ZNF724: variants seen among roughly 807,000 people sequenced by gnomAD.
ZNF724 encodes zinc finger protein 724.
In ZNF724, 14 loss-of-function variants were observed where a neutral mutation model predicts 29.3. The observed-to-expected ratio is 0.48, with a 90% CI of 0.32 to 0.75. ZNF724 has a LOEUF of 0.75. Ranked by LOEUF, ZNF724 falls within the 30% of genes least tolerant of loss-of-function variation. The probability of loss-of-function intolerance (pLI) is 0.04; values close to 1 mark genes in which losing one functional copy is unlikely to be tolerated. For synonymous variants in ZNF724, 180 were observed against 193.6 expected, an observed-to-expected ratio of 0.93 and a Z score of 0.58; for missense variants, 557 against 571.2, an observed-to-expected ratio of 0.98 and a Z score of 0.25.
At position 23,222,370 on chromosome 19, in the gene ZNF724, C is replaced by A. The variant is rs762327090; in HGVS notation, c.*15G>T. 1 of 994,992 alleles carries A rather than the reference C, an allele frequency of 1.0e-6. No homozygotes were observed. The highest frequency in any genetic ancestry group is 1.5e-6 in the Non-Finnish European group (1 of 648,888). 61.6% of individuals were successfully genotyped at this position (994,992 alleles called of 1,614,324 possible). ...GGGATTACAGGTGTGAGCCACCACG[C>A]CTGGTCCATTTTTCTTATTTGTCAG... On this transcript the variant is annotated 3_prime_UTR_variant, in exon 4 of 4. Transcript: ENST00000418100.
intron 1 of ZNF724, among the ~76,000 whole-genome samples, chr19:23,246,585 C>T (rs944671898): frequency 2.0e-5 from 3 of 151,390 alleles, no homozygotes; most frequent in Non-Finnish European, 4.4e-5. Flanking sequence ...AACCCGGAGT[C>T]GGAGGTTGCA....
chr19:23,240,270 C>G lies in ZNF724; in HGVS notation c.4-7977G>C, dbSNP rs932230126. Among the ~76,000 whole-genome samples, 102 of 115,756 alleles carry G rather than the reference C, an allele frequency of 8.8e-4. 1 individual carries two copies. Among genetic ancestry groups the G allele is most frequent in the Non-Finnish European group, 1.4e-3 (83 of 57,494 alleles). 75.9% of individuals were successfully genotyped at this position (115,756 alleles called of 152,430 possible). ...GGTGGAGGCTGCCTGGGCAACAGAG[C>G]GAGACTCTGTCAAAAAAAAAAAAAA... On this transcript the variant is annotated intron_variant, in intron 1 of 3. Coordinates refer to ENST00000418100, the MANE Select transcript of ZNF724 (RefSeq NM_001355404.2).
At chr19:23,228,142 A>G (rs1022960487) in intron 3 of ZNF724, among the ~76,000 whole-genome samples, 4 of 152,108 alleles carry the variant, frequency 2.6e-5, no homozygotes, top group African/African-American at 4.8e-5. Context: ...CATCTCCAAA[A>G]TAAGTGCCTT....
intron 3 of ZNF724, among the ~76,000 whole-genome samples, chr19:23,224,431 CAAAA>C (rs1181225586): frequency 2.6e-5 from 4 of 151,806 alleles, no homozygotes; most frequent in Admixed American, 6.6e-5. Context: ...AACAAACAAA[CAAAA>C]AACTGCATAA....
chr19:23,245,108 T>C (rs1002892994), intron 1 of ZNF724, among the ~76,000 whole-genome samples: 3 of 152,226 alleles, frequency 2.0e-5, no homozygotes, highest in African/African-American at 7.2e-5. Flanking sequence ...ACTTAGATGA[T>C]GCACTCTTTT....
chr19:23,222,714 A>G lies in ZNF724; in HGVS notation c.1531T>C (p.Cys511Arg). 7.1e-7 allele frequency: 1 copy of G among 1,415,108 alleles called. No homozygotes were observed. Among genetic ancestry groups the G allele is most frequent in the Non-Finnish European group, 1.0e-6 (1 of 1,000,232 alleles). 87.7% of individuals were successfully genotyped at this position (1,415,108 alleles called of 1,614,324 possible). A position where few individuals can be genotyped will look rare whatever the true frequency, so the allele number is the denominator to read the frequency against. Reference protein sequence around the residue: ...TGEKPYKCKECGKAFNQSSTL... With the variant: ...TGEKPYKCKERGKAFNQSSTL... ...GAGGATTGGTTAAAAGCTTTGCCAC[A>G]TTCTTTACATTTGTAGGGTTTCTCT... is the stretch of plus-strand genomic sequence containing the variant. Residue 511 changes from cysteine to arginine, a missense_variant, in exon 4 of 4, where the codon TGT becomes CGT. Physicochemically the swap from Cys to Arg is radical, Grantham distance 180. This residue lies in a region of ZNF724 where 170 missense variants were observed against 220.7 expected (regional missense o/e 0.77). Coordinates refer to ENST00000418100, the MANE Select transcript of ZNF724 (RefSeq NM_001355404.2).
At chr19:23,228,121 T>G (rs112992127) in intron 3 of ZNF724, among the ~76,000 whole-genome samples, 1 of 152,022 alleles carries the variant, frequency 6.6e-6, no homozygotes, top group Non-Finnish European at 1.5e-5. Context: ...TTGGGGTATA[T>G]AGCAAGTCCT....
chr19:23,235,304 T>C (rs73559571), intron 1 of ZNF724, among the ~76,000 whole-genome samples: 2,074 of 152,236 alleles, frequency 0.014, 60 homozygotes, highest in African/African-American at 0.047. Context: ...TTTTAAAAAA[T>C]GTATAGAACA....
chr19:23,225,466 C>A lies in ZNF724; in HGVS notation c.227-1448G>T, dbSNP rs146966802. Among the ~76,000 whole-genome samples the A allele has an allele frequency of 7.8e-3, 1,186 of 152,058 alleles. 6 individuals are homozygous for A. The highest frequency in any genetic ancestry group is 0.01 in the Non-Finnish European group (704 of 67,988). ...TAGGATACAAAAAAATTTATCCGGG[C>A]ATGATGGTGGGTGCCTGTATTCCCC... On this transcript the variant is annotated intron_variant, in intron 3 of 3. Transcript: ENST00000418100.
chr19:23,221,896 T>A lies in ZNF724; in HGVS notation c.*489A>T, dbSNP rs941845401. 13 of 155,458 alleles carry A rather than the reference T, an allele frequency of 8.4e-5. No individual in the cohort carries two copies. Among genetic ancestry groups the A allele is most frequent in the African/African-American group, 3.1e-4 (13 of 41,448 alleles). The allele number at this position is 155,458 out of a possible 1,614,324, so 9.6% of individuals were successfully genotyped here. ...CCAGCTTACACTCTTGATATTTTAA[T>A]GCTTGTCTTCAAAATAAATACTCTT... On this transcript the variant is annotated 3_prime_UTR_variant, in exon 4 of 4. Coordinates refer to ENST00000418100, the MANE Select transcript of ZNF724 (RefSeq NM_001355404.2).
intron 1 of ZNF724, among the ~76,000 whole-genome samples, chr19:23,243,210 G>A (rs1206734188): frequency 2.0e-5 from 3 of 152,018 alleles, no homozygotes; most frequent in Non-Finnish European, 4.4e-5. Context: ...CAGCCATGGT[G>A]GCCCACACCT....
At chr19:23,227,097 G>T (rs1187835779) in intron 3 of ZNF724, among the ~76,000 whole-genome samples, 3 of 151,986 alleles carry the variant, frequency 2.0e-5, no homozygotes, top group African/African-American at 4.8e-5. Context: ...TGAATCACTG[G>T]CATTAACTAT....
chr19:23,238,103 A>G (rs1329920078), intron 1 of ZNF724, among the ~76,000 whole-genome samples: 1 of 152,024 alleles, frequency 6.6e-6, no homozygotes, highest in African/African-American at 2.4e-5. Context: ...CAACAACAAA[A>G]CCTTGTAATC....
At chr19:23,226,770 TA>T (rs1971835528) in intron 3 of ZNF724, among the ~76,000 whole-genome samples, 1 of 152,144 alleles carries the variant, frequency 6.6e-6, no homozygotes, top group Non-Finnish European at 1.5e-5. Context: ...GTCATATTTA[TA>T]AATAAAAAAC....
intron 2 of ZNF724, among the ~76,000 whole-genome samples, chr19:23,231,710 A>G (rs1352223321): frequency 6.6e-6 from 1 of 151,574 alleles, no homozygotes; most frequent in East Asian, 1.9e-4. Context: ...TTTTTTCTAC[A>G]TTGACAAATC....
chr19:23,224,155 T>C (rs1971779897), intron 3 of ZNF724, 137 bp from the exon 4 acceptor site: 2 of 517,390 alleles, frequency 3.9e-6, no homozygotes, highest in Admixed American at 3.6e-5. Flanking sequence ...CTAATGCCTG[T>C]ACTCCCAGCA....
intron 1 of ZNF724, among the ~76,000 whole-genome samples, chr19:23,239,439 A>C (rs1264048350): frequency 6.6e-6 from 1 of 152,236 alleles, no homozygotes; most frequent in South Asian, 2.1e-4. Flanking sequence ...ATCCAATTAC[A>C]TGGAAATTTA....
At chr19:23,242,726 GTAA>G (rs34763800) in intron 1 of ZNF724, 115,936 of 142,632 alleles carry the variant, frequency 0.81, 47,509 homozygotes, top group South Asian at 0.9. Context: ...AAAAGAAAAA[GTAA>G]TAATAATAAT....
At position 23,223,550 on chromosome 19, in the gene ZNF724, C is replaced by G. The variant is rs766076965; in HGVS notation, c.695G>C (p.Gly232Ala). Reference protein sequence around the residue: ...GQKHYKCEECGIAFNKSSHLN... With the variant: ...GQKHYKCEECAIAFNKSSHLN... ...GTGTGAGGACTTGTTAAAGGCTATG[C>G]CACATTCTTCACATTTGTAGTGTTT... is the stretch of plus-strand genomic sequence containing the variant. Residue 232 changes from glycine to alanine, a missense_variant, in exon 4 of 4, where the codon GGC becomes GCC. By Grantham distance (60) the Gly-to-Ala change is moderately conservative. This residue lies in a region of ZNF724 where 362 missense variants were observed against 295.5 expected (regional missense o/e 1.22). Transcript: ENST00000418100. The G allele has an allele frequency of 2.1e-5, 15 of 731,232 alleles. No homozygotes were observed. The highest frequency in any genetic ancestry group is 3.6e-5 in the Non-Finnish European group (14 of 393,930). 45.3% of individuals were successfully genotyped at this position (731,232 alleles called of 1,614,324 possible).
Sources: allele counts gnomAD v4.1 joint callset (sites outside exome capture counted in the v4.1 genomes callset), GRCh38; gene constraint gnomAD v4.1.1; regional missense constraint gnomAD v4.1.1; transcripts MANE v1.5; gene names NCBI Gene and HGNC (gene_info 2026-07-23, HGNC 2026-07-21).